Variants in GALNT17 observed in about 807,000 individuals in gnomAD.
GALNT17 encodes UDP-GalNAc:polypeptide N-acetylgalactosaminyltransferase-like 3.
Under a neutral mutation model 63.7 loss-of-function variants are expected in GALNT17, and 29 were observed. The ratio of observed to expected loss-of-function variants is 0.46; its 90% CI spans 0.34 to 0.62. GALNT17 has a LOEUF of 0.62. GALNT17 is among the 20% of genes least tolerant of loss of function. The pLI, the probability that GALNT17 is intolerant of heterozygous loss-of-function variation, is 0.01. For missense variants in GALNT17, 603 were observed against 799.6 expected (o/e 0.75, Z 2.97); for synonymous variants, 305 against 318.3 (o/e 0.96, Z 0.45).
chr7:71,551,208 A>G (rs1455033702), intron 5 of GALNT17, among the ~76,000 whole-genome samples: 1 of 152,130 alleles, frequency 6.6e-6, no homozygotes, highest in Non-Finnish European at 1.5e-5. Context: ...CTAGTTCATT[A>G]ATGCTCTCTT....
intron 1 of GALNT17, among the ~76,000 whole-genome samples, chr7:71,157,899 G>T (rs1410065549): frequency 6.6e-6 from 1 of 151,478 alleles, no homozygotes; most frequent in Non-Finnish European, 1.5e-5. Flanking sequence ...GTGCTTGGTT[G>T]ATTTCACTTA....
intron 1 of GALNT17, among the ~76,000 whole-genome samples, chr7:71,247,288 TACTA>T (rs1414057855): frequency 1.3e-5 from 2 of 152,152 alleles, no homozygotes; most frequent in African/African-American, 4.8e-5. Context: ...TAGACAAAAA[TACTA>T]ACCTCGTTAT....
chr7:71,556,267 T>A (rs1376591289), intron 5 of GALNT17, among the ~76,000 whole-genome samples: 1 of 152,168 alleles, frequency 6.6e-6, no homozygotes, highest in Non-Finnish European at 1.5e-5. Context: ...TGCTGAGAAG[T>A]GTTTTAAAAA....
intron 5 of GALNT17, among the ~76,000 whole-genome samples, chr7:71,455,548 A>G (rs1294526289): frequency 1.4e-5 from 2 of 147,882 alleles, no homozygotes; most frequent in African/African-American, 5.0e-5. Flanking sequence ...CCATCTTCTC[A>G]TTTATTCATT....
At chr7:71,671,868 A>G (rs915940744) in intron 8 of GALNT17, among the ~76,000 whole-genome samples, 17 of 152,196 alleles carry the variant, frequency 1.1e-4, no homozygotes, top group Middle Eastern at 3.4e-3. Flanking sequence ...ATATAGATAT[A>G]TATATTAAAA....
chr7:71,239,164 G>A (rs1343191327), intron 1 of GALNT17, among the ~76,000 whole-genome samples: 1 of 152,188 alleles, frequency 6.6e-6, no homozygotes, highest in Non-Finnish European at 1.5e-5. Flanking sequence ...CTCTGGGATA[G>A]TAAATATTGT....
chr7:71,607,081 A>G (rs1267945043), intron 6 of GALNT17, among the ~76,000 whole-genome samples: 1 of 152,180 alleles, frequency 6.6e-6, no homozygotes, highest in East Asian at 1.9e-4. Flanking sequence ...CTGGGGTGGG[A>G]GGATTGCTTG....
At chr7:71,395,712 A>G (rs1455158373) in intron 3 of GALNT17, among the ~76,000 whole-genome samples, 3 of 152,206 alleles carry the variant, frequency 2.0e-5, no homozygotes, top group Non-Finnish European at 4.4e-5. Context: ...ACCATTTTAC[A>G]TGATCACCAT....
chr7:71,588,054 C>A (rs1367580781), intron 6 of GALNT17, among the ~76,000 whole-genome samples: 4 of 152,146 alleles, frequency 2.6e-5, no homozygotes, highest in African/African-American at 9.7e-5. Flanking sequence ...TATTTAGAGA[C>A]CGAAGTCTTG....
At chr7:71,496,722 T>G (rs1315672180) in intron 5 of GALNT17, among the ~76,000 whole-genome samples, 2 of 151,714 alleles carry the variant, frequency 1.3e-5, no homozygotes, top group East Asian at 3.9e-4. Flanking sequence ...GTGAGTTCAG[T>G]GTTCTCAATT....
chr7:71,521,185 T>TCAA (rs1788524438), intron 5 of GALNT17, among the ~76,000 whole-genome samples: 2 of 152,290 alleles, frequency 1.3e-5, no homozygotes, highest in African/African-American at 4.8e-5. Context: ...CACTTCTTTG[T>TCAA]AGCTCAGAAG....
chr7:71,489,172 G>A (rs7808680), intron 5 of GALNT17, among the ~76,000 whole-genome samples: 149,855 of 152,100 alleles, frequency 0.99, 73,857 homozygotes, highest in Non-Finnish European at 1. Flanking sequence ...GGGATTACAG[G>A]CATGAGCCAC....
At chr7:71,186,806 G>C (rs1319530954) in intron 1 of GALNT17, among the ~76,000 whole-genome samples, 2 of 152,222 alleles carry the variant, frequency 1.3e-5, no homozygotes, top group Non-Finnish European at 2.9e-5. Flanking sequence ...TGTACATCCA[G>C]ACTGGTGCTC....
intron 5 of GALNT17, among the ~76,000 whole-genome samples, chr7:71,501,494 C>T: frequency 6.6e-6 from 1 of 152,286 alleles, no homozygotes; most frequent in Admixed American, 6.5e-5. Context: ...TCTCAAATTT[C>T]TGGCCTCAAG....
chr7:71,658,524 C>T (rs1333357590), intron 6 of GALNT17, among the ~76,000 whole-genome samples: 1 of 152,114 alleles, frequency 6.6e-6, no homozygotes, highest in Non-Finnish European at 1.5e-5. Context: ...TATCCAGTGG[C>T]TAGGGGTCAT....
At chr7:71,307,250 C>T (rs530825274) in intron 1 of GALNT17, among the ~76,000 whole-genome samples, 7 of 152,110 alleles carry the variant, frequency 4.6e-5, no homozygotes, top group Non-Finnish European at 8.8e-5. Context: ...TTTGCATTCC[C>T]ATCAGCCGTG....
At chr7:71,690,136 C>T (rs779831490) in intron 9 of GALNT17, among the ~76,000 whole-genome samples, 2 of 151,882 alleles carry the variant, frequency 1.3e-5, no homozygotes, top group Non-Finnish European at 2.9e-5. Flanking sequence ...GCGAGTCTCC[C>T]GCCTCAGCCT....
intron 5 of GALNT17, among the ~76,000 whole-genome samples, chr7:71,469,319 C>T (rs904248237): frequency 6.6e-6 from 1 of 152,150 alleles, no homozygotes; most frequent in Non-Finnish European, 1.5e-5. Context: ...AACTTTATAA[C>T]CCTCAAATTC....
intron 2 of GALNT17, among the ~76,000 whole-genome samples, chr7:71,342,244 A>G (rs1792017635): frequency 6.6e-6 from 1 of 152,182 alleles, no homozygotes; most frequent in Admixed American, 6.5e-5. Context: ...CATGGCTGAA[A>G]GCAAAAGGTG....
Sources: gnomAD v4.1 joint callset for allele counts (sites outside exome capture counted in the v4.1 genomes callset) on GRCh38, gnomAD v4.1.1 for gene constraint, MANE v1.5 for transcripts, NCBI Gene and HGNC (gene_info 2026-07-23, HGNC 2026-07-21) for gene names.